ITGAV: variants seen among roughly 807,000 people sequenced by gnomAD.
ITGAV encodes the protein integrin alpha-V.
In ITGAV, 76 loss-of-function variants were observed where a neutral mutation model predicts 143.8. That is an observed-to-expected ratio of 0.53 (90% CI 0.44 to 0.64). The LOEUF is 0.64. Ranked by LOEUF, ITGAV falls within the 30% of genes least tolerant of loss-of-function variation. The pLI is 0.00. For missense variants in ITGAV, 1,193 were observed against 1,274.7 expected, an observed-to-expected ratio of 0.94 and a Z score of 0.98; for synonymous variants, 453 against 446.7, an observed-to-expected ratio of 1.01 and a Z score of -0.18.
At chr2:186,664,755 T>C (rs1413931243) in intron 20 of ITGAV, 114 bp downstream of exon 20, 13 of 1,272,528 alleles carry the variant, frequency 1.0e-5, no homozygotes, top group African/African-American at 3.0e-5. Context: ...TAAGGCTAAA[T>C]TGATAGACAA....
Position 186,630,669 on chromosome 2 carries a change from C to G in ITGAV, c.524-128C>G, listed in dbSNP as rs61763656. The G allele has an allele frequency of 6.7e-4, 407 of 606,616 alleles. 1 individual carries two copies. Among genetic ancestry groups the G allele is most frequent in the African/African-American group, 6.3e-3 (345 of 54,850 alleles). The allele number at this position is 606,616 out of a possible 1,614,324, so 37.6% of individuals were successfully genotyped here. A position where few individuals can be genotyped will look rare whatever the true frequency, so the allele number is the denominator to read the frequency against. ...TTGGAATGTGGTAATAACTAAGTGC[C>G]CGAGTGAATGACCACTCTCAAAAAT... On this transcript the variant is annotated intron_variant, in intron 4 of 29. Coordinates refer to ENST00000261023, the MANE Select transcript of ITGAV (RefSeq NM_002210.5).
intron 2 of ITGAV, among the ~76,000 whole-genome samples, chr2:186,602,923 T>C (rs575264176): frequency 6.7e-6 from 1 of 148,940 alleles, no homozygotes; most frequent in African/African-American, 2.5e-5. Flanking sequence ...TGCATTCAGG[T>C]GGACTTAGGT....
intron 12 of ITGAV, among the ~76,000 whole-genome samples, chr2:186,643,722 G>GA (rs1159966225): frequency 2.0e-5 from 3 of 151,458 alleles, no homozygotes; most frequent in East Asian, 1.9e-4. Context: ...AAAAGCAGAG[G>GA]AAAAAAAAGA....
intron 24 of ITGAV, 129 bp from the exon 25 acceptor site, chr2:186,668,631 TAG>T: frequency 1.4e-6 from 1 of 722,786 alleles, no homozygotes; most frequent in Non-Finnish European, 2.4e-6. Flanking sequence ...ACATTGTAAT[TAG>T]AGGTTAACTG....
intron 2 of ITGAV, among the ~76,000 whole-genome samples, chr2:186,608,406 C>A (rs890466819): frequency 6.6e-6 from 1 of 152,140 alleles, no homozygotes; most frequent in Non-Finnish European, 1.5e-5. Context: ...TATATTCCTT[C>A]CTACAAAAAA....
chr2:186,622,012 A>C (rs745655407), intron 2 of ITGAV, among the ~76,000 whole-genome samples: 13 of 152,222 alleles, frequency 8.5e-5, no homozygotes, highest in African/African-American at 1.2e-4. Context: ...TCTTCTGGGA[A>C]TAGGCGATCA....
At chr2:186,627,689 T>G (rs1032340264) in intron 4 of ITGAV, among the ~76,000 whole-genome samples, 1 of 152,208 alleles carries the variant, frequency 6.6e-6, no homozygotes, top group African/African-American at 2.4e-5. Flanking sequence ...TGATGTGTTA[T>G]CTATAATCAT....
chr2:186,675,869 A>G lies in ITGAV; in HGVS notation c.2870A>G (p.Asn957Ser), dbSNP rs768145251. The G allele has an allele frequency of 6.2e-7, 1 of 1,610,496 alleles. No individual in the cohort carries two copies. Among genetic ancestry groups the G allele is most frequent in the Non-Finnish European group, 8.5e-7 (1 of 1,177,468 alleles). Residue 957 changes from asparagine to serine, a missense_variant, in exon 28 of 30, where the codon AAT becomes AGT. Physicochemically the swap from Asn to Ser is conservative, Grantham distance 46. Coordinates refer to ENST00000261023, the MANE Select transcript of ITGAV (RefSeq NM_002210.5). ...SYSLKSSASF[N>S]VIEFPYKNLP... Reference sequence around the variant, plus strand: ...TCTCTGAAGTCGTCTGCTTCATTTAATGTCATAGAGTTTCCTTATAAGAAT... The same window carrying G: ...TCTCTGAAGTCGTCTGCTTCATTTAGTGTCATAGAGTTTCCTTATAAGAAT...
At chr2:186,641,684 C>A in intron 12 of ITGAV, 96 bp downstream of exon 12, 3 of 942,942 alleles carry the variant, frequency 3.2e-6, no homozygotes, top group Non-Finnish European at 5.0e-6. Flanking sequence ...ACGAGCAAAT[C>A]TCCTTCCTGG....
chr2:186,669,979 G>A (rs1265278191), intron 26 of ITGAV, 165 bp downstream of exon 26: 1 of 584,410 alleles, frequency 1.7e-6, no homozygotes, highest in Admixed American at 3.5e-5. Context: ...TCAGATTAAT[G>A]CCATATTTTC....
chr2:186,664,078 G>A (rs1688821769), intron 19 of ITGAV, among the ~76,000 whole-genome samples: 1 of 152,056 alleles, frequency 6.6e-6, no homozygotes, highest in African/African-American at 2.4e-5. Context: ...AAATAATATT[G>A]TATCATTTTA....
chr2:186,593,920 A>G (rs1465345757), intron 1 of ITGAV, among the ~76,000 whole-genome samples: 1 of 152,236 alleles, frequency 6.6e-6, no homozygotes, highest in Non-Finnish European at 1.5e-5. Context: ...AATATATGTT[A>G]TACAGTTCTC....
chr2:186,666,671 A>G (rs749947197), intron 21 of ITGAV, 33 bp from the exon 22 acceptor site: 1 of 1,302,480 alleles, frequency 7.7e-7, no homozygotes, highest in South Asian at 1.7e-5. Context: ...TTAGACATTG[A>G]CTAGCATTAC....
intron 2 of ITGAV, among the ~76,000 whole-genome samples, chr2:186,610,256 CT>C (rs1687179747): frequency 6.6e-6 from 1 of 152,092 alleles, no homozygotes; most frequent in Non-Finnish European, 1.5e-5. Context: ...AGAAAAGTTA[CT>C]CGCTGCTTTG....
chr2:186,632,887 T>C (rs1687850778), intron 5 of ITGAV, among the ~76,000 whole-genome samples: 1 of 152,134 alleles, frequency 6.6e-6, no homozygotes, highest in African/African-American at 2.4e-5. Context: ...ATTAAAATGT[T>C]TCTTTTAAAT....
chr2:186,627,346 C>A (rs1229155414), intron 4 of ITGAV, among the ~76,000 whole-genome samples: 1 of 152,164 alleles, frequency 6.6e-6, no homozygotes, highest in Non-Finnish European at 1.5e-5. Flanking sequence ...AAGAACCTTT[C>A]CTCTACATTA....
At position 186,668,819 on chromosome 2, in the gene ITGAV, T is replaced by C; in HGVS notation, c.2491T>C (p.Tyr831His). The change falls in exon 25 of 30, where the codon TAC becomes CAC. Residue 831 changes from tyrosine (Y) to histidine (H), a missense_variant. By Grantham distance (83) the Tyr-to-His change is moderately conservative. Transcript: ENST00000261023. ...SKAMLHLQWP[Y>H]KYNNNTLLYI... The stretch of plus-strand genomic sequence containing the variant: ...GGCAATGCTCCATCTTCAGTGGCCT[T>C]ACAAATATAATAATAACACTCTGTT... 6.2e-7 allele frequency: 1 copy of C among 1,613,678 alleles called. No homozygotes were observed. Among genetic ancestry groups the C allele is most frequent in the Non-Finnish European group, 8.5e-7 (1 of 1,179,734 alleles).
intron 10 of ITGAV, among the ~76,000 whole-genome samples, chr2:186,639,517 T>C (rs1341687156): frequency 1.3e-5 from 2 of 152,296 alleles, no homozygotes; most frequent in Non-Finnish European, 2.9e-5. Context: ...GCTTCTCCTG[T>C]CTGGTGACCA....
chr2:186,611,688 G>T (rs1378785146), intron 2 of ITGAV, among the ~76,000 whole-genome samples: 1 of 152,062 alleles, frequency 6.6e-6, no homozygotes, highest in South Asian at 2.1e-4. Context: ...TAACTGTGAC[G>T]TTGGGCAAGC....
Sources: gnomAD v4.1 joint callset for allele counts (sites outside exome capture counted in the v4.1 genomes callset) on GRCh38, gnomAD v4.1.1 for gene constraint, MANE v1.5 for transcripts, NCBI Gene and HGNC (gene_info 2026-07-23, HGNC 2026-07-21) for gene names.